MAP7D1: variants seen among roughly 807,000 people sequenced by gnomAD.
MAP7D1 encodes MAP7 domain-containing protein 1.
MAP7D1 carries 30 observed loss-of-function variants against 97.5 expected under a neutral mutation model. The ratio of observed to expected loss-of-function variants is 0.31; its 90% CI spans 0.23 to 0.42. MAP7D1 has a LOEUF of 0.42. MAP7D1 is among the 10% of genes least tolerant of loss of function. MAP7D1 has a pLI of 1.00. For missense variants in MAP7D1, 1,184 were observed against 1,179.5 expected, an observed-to-expected ratio of 1.00 and a Z score of -0.06; for synonymous variants, 536 against 477.1, an observed-to-expected ratio of 1.12 and a Z score of -1.61.
intron 5 of MAP7D1, 55 bp from the exon 6 acceptor site, chr1:36,174,843 C>T (rs1320303163): frequency 2.9e-6 from 3 of 1,045,836 alleles, no homozygotes; most frequent in African/African-American, 3.1e-5. Flanking sequence ...GCCTCGGTGC[C>T]CCCCACTGGC....
rs556438145 is a variant in MAP7D1 at position 36,167,642 on chromosome 1, C to T, written c.47-3329C>T. ...GAACTGTGGTTACACAGGCTCAGGGCTTGCCCGAGGTTCGCCGGGAGCCGA... is the reference window on the plus strand; with the variant it reads ...GAACTGTGGTTACACAGGCTCAGGGTTTGCCCGAGGTTCGCCGGGAGCCGA... On this transcript the variant is annotated intron_variant, in intron 1 of 16. Coordinates refer to ENST00000474796, the MANE Select transcript of MAP7D1 (RefSeq NM_001388490.1). 3.7e-4 allele frequency among the ~76,000 whole-genome samples: 57 copies of T among 152,360 alleles called. No individual in the cohort carries two copies. The South Asian group carries it at 8.7e-3, about 23-fold the overall frequency.
Position 36,178,401 on chromosome 1 carries a change from T to TC in MAP7D1, c.1709-15dup, listed in dbSNP as rs929638543. 3.1e-6 allele frequency: 5 copies of TC among 1,603,468 alleles called. No homozygotes were observed. The highest frequency in any genetic ancestry group is 2.7e-5 in the African/African-American group (2 of 74,500). ...TCTGCGTGGGTGTGCTGACGCCTGA[T>TC]CCCGGATCCCCCTCCAGACGCTGCT... is the stretch of plus-strand genomic sequence containing the variant. On this transcript the variant is annotated splice_polypyrimidine_tract_variant and intron_variant, in intron 9 of 16. Coordinates refer to ENST00000474796, the MANE Select transcript of MAP7D1 (RefSeq NM_001388490.1).
intron 1 of MAP7D1, among the ~76,000 whole-genome samples, chr1:36,170,048 G>GAAACAAAACA (rs377377950): frequency 6.6e-6 from 1 of 152,072 alleles, no homozygotes; most frequent in South Asian, 2.1e-4. Context: ...GACTTGGGGG[G>GAAACAAAACA]AAACAAAACA....
chr1:36,179,845 G>A (rs937467782), intron 15 of MAP7D1, 29 bp from the exon 16 acceptor site: 2 of 1,594,426 alleles, frequency 1.3e-6, no homozygotes, highest in Non-Finnish European at 1.7e-6. Flanking sequence ...GGGAGGTGAG[G>A]TGCTGAGCCT....
chr1:36,175,058 C>G (rs1346320812), intron 6 of MAP7D1, 50 bp downstream of exon 6: 1 of 1,254,476 alleles, frequency 8.0e-7, no homozygotes, highest in African/African-American at 1.5e-5. Flanking sequence ...GTAGCTCCCA[C>G]CAAGCCTCCT....
Position 36,179,368 on chromosome 1 carries a change from G to A in MAP7D1, c.2184+53G>A, listed in dbSNP as rs1644682597. 8.1e-6 allele frequency: 13 copies of A among 1,607,014 alleles called. No homozygotes were observed. In the East Asian group the frequency reaches 2.9e-4, roughly 36 times the overall value. The stretch of plus-strand genomic sequence containing the variant: ...GGGCGTGGGGGGCAGGGTGTGAAAA[G>A]GAGGCTGCGGAAAGGCATCCATGGC... On this transcript the variant is annotated intron_variant, in intron 13 of 16. Coordinates refer to ENST00000474796, the MANE Select transcript of MAP7D1 (RefSeq NM_001388490.1).
rs924522819 is a variant in MAP7D1, at chr1:36,179,511, G to C, written c.2185-4G>C. 6.3e-7 allele frequency: 1 copy of C among 1,580,128 alleles called. No individual in the cohort carries two copies. The highest frequency in any genetic ancestry group is 1.3e-5 in the African/African-American group (1 of 74,546). ...AGCCTGACTGCTCTTCCTCTTCAAA[G>C]CAGAAGCAGGACAGCAAGGAGGCCA... On this transcript the variant is annotated splice_polypyrimidine_tract_variant and splice_region_variant and intron_variant, in intron 13 of 16. Transcript: ENST00000474796.
chr1:36,177,755 G>A (rs1644648614), intron 8 of MAP7D1, 118 bp from the exon 9 acceptor site: 2 of 1,413,452 alleles, frequency 1.4e-6, no homozygotes, highest in Non-Finnish European at 1.9e-6. Flanking sequence ...GAGAGCAAGG[G>A]GGCGGGGGGC....
At position 36,178,942 on chromosome 1, in the gene MAP7D1, T is replaced by A; in HGVS notation, c.2047T>A (p.Ser683Thr). ...QKQKEEAEAR[S>T]REEAERQRLE... Reference sequence around the variant, plus strand: ...GCAGAAAGAGGAGGCCGAAGCTCGGTCGCGGGAAGAGGCGGAGCGGCAGCG... The same window carrying A: ...GCAGAAAGAGGAGGCCGAAGCTCGGACGCGGGAAGAGGCGGAGCGGCAGCG... The change falls in exon 12 of 17, where the codon TCG becomes ACG. Residue 683 changes from serine to threonine, a missense_variant. Coordinates refer to ENST00000474796, the MANE Select transcript of MAP7D1 (RefSeq NM_001388490.1). The A allele has an allele frequency of 1.3e-6, 2 of 1,556,920 alleles. No individual in the cohort carries two copies. The highest frequency in any genetic ancestry group is 1.7e-6 in the Non-Finnish European group (2 of 1,150,478).
chr1:36,177,850 T>C, intron 8 of MAP7D1, 23 bp from the exon 9 acceptor site: 1 of 1,521,760 alleles, frequency 6.6e-7, no homozygotes. Flanking sequence ...CTCCTAACCC[T>C]TCCCTTTTCC....
chr1:36,178,617 G>T, intron 10 of MAP7D1, 21 bp downstream of exon 10: 1 of 1,560,470 alleles, frequency 6.4e-7, no homozygotes. Flanking sequence ...CTCGGGGACT[G>T]AGGGGGCCCT....
chr1:36,162,047 C>CT (rs1410982383), intron 1 of MAP7D1, among the ~76,000 whole-genome samples: 3 of 151,940 alleles, frequency 2.0e-5, no homozygotes, highest in African/African-American at 7.3e-5. Context: ...TTCGCCTGCT[C>CT]TAGTGTTGTC....
Position 36,178,794 on chromosome 1 carries a change from CAGG to C in MAP7D1, c.2002_2004del (p.Glu668del). 1 of 1,546,496 alleles carries C rather than the reference CAGG, an allele frequency of 6.5e-7. No individual in the cohort carries two copies. Among genetic ancestry groups the C allele is most frequent in the Non-Finnish European group, 8.7e-7 (1 of 1,145,390 alleles). On this transcript the variant is annotated inframe_deletion, in exon 11 of 17. Transcript: ENST00000474796. ...GGCACGAGAGAAGGCGCAGGCCGAG[CAGG>C]AGGAGCAGGAGCGGCTGCAGAAGCA...
At chr1:36,174,254 CA>C (rs1644586763) in intron 5 of MAP7D1, among the ~76,000 whole-genome samples, 1 of 152,212 alleles carries the variant, frequency 6.6e-6, no homozygotes, top group Non-Finnish European at 1.5e-5. Context: ...TAAGCATCAA[CA>C]AATGTGAGCT....
chr1:36,163,828 T>C lies in MAP7D1; in HGVS notation c.47-7143T>C, dbSNP rs981842527. ...TATATACTTTTTTTCTTTTTTTTTT[T>C]TTTTTTTTTTTTTTTTGGAGACAGC... On this transcript the variant is annotated intron_variant, in intron 1 of 16. Coordinates refer to ENST00000474796, the MANE Select transcript of MAP7D1 (RefSeq NM_001388490.1). 2.3e-4 allele frequency among the ~76,000 whole-genome samples: 32 copies of C among 138,226 alleles called. No individual in the cohort carries two copies. The East Asian group carries it at 3.9e-3, about 17-fold the overall frequency. The allele number at this position is 138,226 out of a possible 152,430, so 90.7% of individuals were successfully genotyped here. A position where few individuals can be genotyped will look rare whatever the true frequency, so the allele number is the denominator to read the frequency against.
In MAP7D1 at chr1:36,178,085, G is replaced by A; in HGVS notation, c.1592G>A (p.Arg531His). ...CCCGAGGACAAGAGCCAGAGCAAGCGCAGGGCCAGTAACGAGAAGGAGTCA... is the reference window on the plus strand; with the variant it reads ...CCCGAGGACAAGAGCCAGAGCAAGCACAGGGCCAGTAACGAGAAGGAGTCA... ...AGPEDKSQSK[R>H]RASNEKESAA... is the part of the protein sequence containing the mutation. Residue 531 changes from arginine (R) to histidine (H), a missense_variant, in exon 9 of 17, where the codon CGC becomes CAC. Physicochemically the swap from Arg to His is conservative, Grantham distance 29 (BLOSUM62 0). Transcript: ENST00000474796. 1 of 1,606,990 alleles carries A rather than the reference G, an allele frequency of 6.2e-7. No individual in the cohort carries two copies. The highest frequency in any genetic ancestry group is 8.5e-7 in the Non-Finnish European group (1 of 1,177,178).
chr1:36,167,945 A>G (rs1441681751), intron 1 of MAP7D1, among the ~76,000 whole-genome samples: 1 of 152,090 alleles, frequency 6.6e-6, no homozygotes, highest in African/African-American at 2.4e-5. Flanking sequence ...CTCACCCTCA[A>G]CCTTCAAGCT....
chr1:36,162,108 T>C (rs1307145127), intron 1 of MAP7D1, among the ~76,000 whole-genome samples: 2 of 152,072 alleles, frequency 1.3e-5, no homozygotes, highest in African/African-American at 4.8e-5. Flanking sequence ...GAGGTGCTGA[T>C]CTCTGTTCTG....
At chr1:36,180,227 T>C (rs1281878797) in intron 16 of MAP7D1, 21 bp from the exon 17 acceptor site, 1 of 1,614,068 alleles carries the variant, frequency 6.2e-7, no homozygotes. Flanking sequence ...CCTGACTGTT[T>C]CCCTTCCTGT....
Sources: allele counts gnomAD v4.1 joint callset (sites outside exome capture counted in the v4.1 genomes callset), GRCh38; gene constraint gnomAD v4.1.1; transcripts MANE v1.5; gene names NCBI Gene and HGNC (gene_info 2026-07-23, HGNC 2026-07-21).